TIGD3: variants seen among roughly 807,000 people sequenced by gnomAD.
The protein encoded by TIGD3 is tigger transposable element derived 3, also known as tigger transposable element-derived protein 3.
Under a neutral mutation model 14.8 loss-of-function variants are expected in TIGD3, and 7 were observed. The observed-to-expected ratio is 0.47, with a 90% confidence interval of 0.27 to 0.89. TIGD3 has a LOEUF of 0.89. Ranked by LOEUF, TIGD3 falls within the 40% of genes least tolerant of loss-of-function variation. TIGD3 has a pLI of 0.13. For synonymous variants in TIGD3, 243 were observed against 269.4 expected (o/e 0.90, Z 0.96); for missense variants, 581 against 611.0 (o/e 0.95, Z 0.52).
chr11:65,357,162 C>T lies in TIGD3; in HGVS notation c.1354C>T (p.Pro452Ser). 1 of 1,614,204 alleles carries T rather than the reference C, an allele frequency of 6.2e-7. No homozygotes were observed. Among genetic ancestry groups the T allele is most frequent in the African/African-American group, 1.3e-5 (1 of 75,068 alleles). ...GTGGTTTGAATGCAACAGCACTTCT[C>T]CTGAGCTATTCGAAAAATTCTACGA... is the stretch of plus-strand genomic sequence containing the variant. ...RRWFECNSTS[P>S]ELFEKFYDCE... Residue 452 changes from proline to serine, a missense_variant, in exon 2 of 2, where the codon CCT becomes TCT. Physicochemically the swap from Pro to Ser is moderately conservative, Grantham distance 74. Transcript: ENST00000309880.
rs1854874735 is a variant in TIGD3, at chr11:65,357,430, G to T, written c.*206G>T. On this transcript the variant is annotated 3_prime_UTR_variant, in exon 2 of 2. Transcript: ENST00000309880. ...AGAGAGCTCTAAAGATGGGGCTTCGGGGGTAGGAATCCAGGATGCTTAGTT... is the reference window on the plus strand; with the variant it reads ...AGAGAGCTCTAAAGATGGGGCTTCGTGGGTAGGAATCCAGGATGCTTAGTT... 1 of 574,612 alleles carries T rather than the reference G, an allele frequency of 1.7e-6. No individual in the cohort carries two copies. Among genetic ancestry groups the T allele is most frequent in the South Asian group, 2.1e-5 (1 of 46,886 alleles). The allele number at this position is 574,612 out of a possible 1,614,324, so 35.6% of individuals were successfully genotyped here. A position where few individuals can be genotyped will look rare whatever the true frequency, so the allele number is the denominator to read the frequency against.
At position 65,355,981 on chromosome 11, in the gene TIGD3, A is replaced by G. The variant is rs1590614299; in HGVS notation, c.173A>G (p.Asp58Gly). ...AAGAATAAGGAGAAGCTGCTGGCGG[A>G]CTGGTGCAGCGGCACAGCCAACCGA... Reference protein sequence around the residue: ...ICKNKEKLLADWCSGTANRER... With the variant: ...ICKNKEKLLAGWCSGTANRER... The change falls in exon 2 of 2, where the codon GAC becomes GGC. Residue 58 changes from aspartate (D) to glycine (G), a missense_variant. Transcript: ENST00000309880. 2.5e-6 allele frequency: 4 copies of G among 1,613,840 alleles called. No individual in the cohort carries two copies. The highest frequency in any genetic ancestry group is 3.4e-6 in the Non-Finnish European group (4 of 1,180,046).
At position 65,357,155 on chromosome 11, in the gene TIGD3, C is replaced by G. The variant is rs776910175; in HGVS notation, c.1347C>G (p.Ser449Arg). The G allele has an allele frequency of 6.2e-7, 1 of 1,614,210 alleles. No homozygotes were observed. The highest frequency in any genetic ancestry group is 1.1e-5 in the South Asian group (1 of 91,086). ...TGAGGAGGTGGTTTGAATGCAACAG[C>G]ACTTCTCCTGAGCTATTCGAAAAAT... ...GTLRRWFECNSTSPELFEKFY... is the reference protein window; with the variant it reads ...GTLRRWFECNRTSPELFEKFY... The change falls in exon 2 of 2, where the codon AGC (serine) becomes AGG (arginine). Residue 449 changes from serine to arginine, a missense_variant. Ser to Arg is a moderately radical substitution (Grantham distance 110). Transcript: ENST00000309880.
chr11:65,355,409 C>T (rs2137724354), intron 1 of TIGD3, among the ~76,000 whole-genome samples: 1 of 149,820 alleles, frequency 6.7e-6, no homozygotes, highest in South Asian at 2.1e-4. Context: ...CCCACTCCCT[C>T]CCGGGGGCTC....
In TIGD3 at chr11:65,357,112, T is replaced by C; in HGVS notation, c.1304T>C (p.Leu435Pro). Reference sequence around the variant, plus strand: ...CCCCTGCCCACCAAAGCTGATGCCCTCCGGGCCCTGGGCACCTTGAGGAGG... The same window carrying C: ...CCCCTGCCCACCAAAGCTGATGCCCCCCGGGCCCTGGGCACCTTGAGGAGG... ...FEPLPTKADA[L>P]RALGTLRRWF... The change falls in exon 2 of 2, where the codon CTC (leucine) becomes CCC (proline). Residue 435 changes from leucine to proline, a missense_variant. By Grantham distance (98) the Leu-to-Pro change is moderately conservative. Coordinates refer to ENST00000309880, the MANE Select transcript of TIGD3 (RefSeq NM_145719.3). The C allele has an allele frequency of 6.2e-7, 1 of 1,614,060 alleles. No individual in the cohort carries two copies. The highest frequency in any genetic ancestry group is 1.1e-5 in the South Asian group (1 of 91,070).
chr11:65,357,017 A>G lies in TIGD3; in HGVS notation c.1209A>G (p.Pro403=). 1 of 1,614,102 alleles carries G rather than the reference A, an allele frequency of 6.2e-7. No individual in the cohort carries two copies. The highest frequency in any genetic ancestry group is 2.2e-5 in the East Asian group (1 of 44,878). Residue 403 remains proline, a synonymous_variant, in exon 2 of 2, where the codon CCA becomes CCG. Coordinates refer to ENST00000309880, the MANE Select transcript of TIGD3 (RefSeq NM_145719.3). ...SRFVDLEGEE[P]RSGVCKEEIG... is the part of the protein sequence containing the mutation. ...TTGTGGACCTGGAGGGTGAGGAGCC[A>G]AGGTCTGGAGTATGTAAGGAGGAGA...
At position 65,356,805 on chromosome 11, in the gene TIGD3, G is replaced by T. The variant is rs1334157197; in HGVS notation, c.997G>T (p.Ala333Ser). The T allele has an allele frequency of 1.9e-6, 3 of 1,612,908 alleles. No individual in the cohort carries two copies. The highest frequency in any genetic ancestry group is 2.5e-6 in the Non-Finnish European group (3 of 1,179,864). Residue 333 changes from alanine to serine, a missense_variant, in exon 2 of 2, where the codon GCA (alanine) becomes TCA (serine). Physicochemically the swap from Ala to Ser is moderately conservative, Grantham distance 99. Transcript: ENST00000309880. The surrounding 1 kb of genome is among the most constrained non-coding windows in gnomAD (Gnocchi z 5.2). The part of the protein sequence containing the change: ...RDGTSLAEAG[A>S]GITVLDALHV... ...TGGCACCTCGCTGGCCGAGGCCGGG[G>T]CAGGCATCACCGTGCTGGACGCCCT...
Position 65,356,488 on chromosome 11 carries a change from G to A in TIGD3, c.680G>A (p.Arg227His), listed in dbSNP as rs754384255. Reference sequence around the variant, plus strand: ...GCCCCGAGATGCTTCTTTGGGATCCGCAGTGAGGCTCTGCCTGCCTCCTAC... The same window carrying A: ...GCCCCGAGATGCTTCTTTGGGATCCACAGTGAGGCTCTGCCTGCCTCCTAC... ...QAAPRCFFGI[R>H]SEALPASYHP... The change falls in exon 2 of 2, where the codon CGC becomes CAC. Residue 227 changes from arginine (R) to histidine (H), a missense_variant. Arg to His is a conservative substitution (Grantham distance 29). Transcript: ENST00000309880. This position sits in a 1 kb window ranked among gnomAD's most constrained non-coding sequence, Gnocchi z 5.2. 6 of 1,606,810 alleles carry A rather than the reference G, an allele frequency of 3.7e-6. No individual in the cohort carries two copies. The South Asian group carries it at 6.6e-5, about 18-fold the overall frequency.
rs770038923 is a variant in TIGD3, at chr11:65,356,913, A to G, written c.1105A>G (p.Lys369Glu). 1.9e-6 allele frequency: 3 copies of G among 1,614,040 alleles called. No individual in the cohort carries two copies. The highest frequency in any genetic ancestry group is 1.1e-5 in the South Asian group (1 of 91,088). Residue 369 changes from lysine (K) to glutamate (E), a missense_variant, in exon 2 of 2, where the codon AAA (lysine) becomes GAA (glutamate). Coordinates refer to ENST00000309880, the MANE Select transcript of TIGD3 (RefSeq NM_145719.3). The surrounding 1 kb of genome is among the most constrained non-coding windows in gnomAD (Gnocchi z 5.2). The part of the protein sequence containing the change: ...SFIQEGLAPG[K>E]TPPSSHKTSE... ...CATTCAAGAAGGGCTGGCTCCCGGC[A>G]AAACGCCCCCGTCCTCGCACAAAAC...
chr11:65,356,355 C>T lies in TIGD3; in HGVS notation c.547C>T (p.Arg183Trp). 6.2e-7 allele frequency: 1 copy of T among 1,611,838 alleles called. No individual in the cohort carries two copies. Among genetic ancestry groups the T allele is most frequent in the Non-Finnish European group, 8.5e-7 (1 of 1,180,030 alleles). The change falls in exon 2 of 2, where the codon CGG becomes TGG. Residue 183 changes from arginine to tryptophan, a missense_variant. Transcript: ENST00000309880. The surrounding 1 kb of genome is among the most constrained non-coding windows in gnomAD (Gnocchi z 5.2). ...FGCAELPLLY[R>W]AVPGSFGACD... Reference sequence around the variant, plus strand: ...CTGTGCTGAATTGCCCTTGCTGTATCGGGCAGTGCCCGGCAGCTTTGGTGC... The same window carrying T: ...CTGTGCTGAATTGCCCTTGCTGTATTGGGCAGTGCCCGGCAGCTTTGGTGC...
At chr11:65,355,676 C>G in intron 1 of TIGD3, 117 bp from the exon 2 acceptor site, 1 of 862,846 alleles carries the variant, frequency 1.2e-6, no homozygotes, top group Non-Finnish European at 1.7e-6. Context: ...TCAGCGGGTC[C>G]AGTCTCACCC....
chr11:65,357,173 C>T lies in TIGD3; in HGVS notation c.1365C>T (p.Phe455=), dbSNP rs756375682. 6.4e-5 allele frequency: 103 copies of T among 1,614,046 alleles called. No individual in the cohort carries two copies. Among genetic ancestry groups the T allele is most frequent in the Non-Finnish European group, 8.6e-5 (101 of 1,180,040 alleles). Residue 455 remains phenylalanine (F), a synonymous_variant, in exon 2 of 2, where the codon TTC becomes TTT. Transcript: ENST00000309880. ...GCAACAGCACTTCTCCTGAGCTATT[C>T]GAAAAATTCTACGACTGTGAGGAGG... ...FECNSTSPEL[F]EKFYDCEEEV...
chr11:65,356,263 C>T lies in TIGD3; in HGVS notation c.455C>T (p.Pro152Leu), dbSNP rs139835463. The change falls in exon 2 of 2, where the codon CCG becomes CTG. Residue 152 changes from proline to leucine, a missense_variant. Transcript: ENST00000309880. This position sits in a 1 kb window ranked among gnomAD's most constrained non-coding sequence, Gnocchi z 5.2. The stretch of plus-strand genomic sequence containing the variant: ...TCATTCCCCCCTGAGCCACCTCCCC[C>T]GGGGCTCACATCCCAGGCTCAGCTG... Reference protein sequence around the residue: ...APSFPPEPPPPGLTSQAQLPL... With the variant: ...APSFPPEPPPLGLTSQAQLPL... 9.1e-5 allele frequency: 147 copies of T among 1,613,062 alleles called. No homozygotes were observed. In the African/African-American group the frequency reaches 1.6e-3, roughly 17 times the overall value.
At position 65,354,784 on chromosome 11, in the gene TIGD3, C is replaced by A. The variant is rs1590942891; in HGVS notation, c.-190C>A. 1 of 151,176 alleles carries A rather than the reference C, an allele frequency of 6.6e-6. No homozygotes were observed. The allele number at this position is 151,176 out of a possible 1,614,324, so 9.4% of individuals were successfully genotyped here. A position where few individuals can be genotyped will look rare whatever the true frequency, so the allele number is the denominator to read the frequency against. On this transcript the variant is annotated 5_prime_UTR_variant, in exon 1 of 2. Transcript: ENST00000309880. ...GAGAGAGCCCGGCGCGGGCGGCGCG[C>A]ACGGGACTCTGCTGTGCGCGCGCCC...
rs982405240 is a variant in TIGD3, at chr11:65,356,611, G to A, written c.803G>A (p.Arg268Gln). The A allele has an allele frequency of 4.3e-6, 7 of 1,611,630 alleles. No homozygotes were observed. The highest frequency in any genetic ancestry group is 1.3e-5 in the African/African-American group (1 of 75,068). Residue 268 changes from arginine to glutamine, a missense_variant, in exon 2 of 2, where the codon CGA becomes CAA. Arg to Gln is a conservative substitution (Grantham distance 43). Coordinates refer to ENST00000309880, the MANE Select transcript of TIGD3 (RefSeq NM_145719.3). The surrounding 1 kb of genome is among the most constrained non-coding windows in gnomAD (Gnocchi z 5.2). ...CAGGTGGCTTTGCTGCTGGCTGCCCGAGTGGTGGAGGAGCTGGCAGGCCTG... is the reference window on the plus strand; with the variant it reads ...CAGGTGGCTTTGCTGCTGGCTGCCCAAGTGGTGGAGGAGCTGGCAGGCCTG... ...GRQVALLLAA[R>Q]VVEELAGLPG...
In TIGD3 at chr11:65,356,133, C is replaced by A. The variant is rs750351981; in HGVS notation, c.325C>A (p.Leu109Met). ...CATGCTGCTCCACAAAGCCAAGGAG[C>A]TGGCCGATATCATGGGCCAGGACTT... Reference protein sequence around the residue: ...GPMLLHKAKELADIMGQDFVP... With the variant: ...GPMLLHKAKEMADIMGQDFVP... Residue 109 changes from leucine (L) to methionine (M), a missense_variant, in exon 2 of 2, where the codon CTG becomes ATG. Coordinates refer to ENST00000309880, the MANE Select transcript of TIGD3 (RefSeq NM_145719.3). This position sits in a 1 kb window ranked among gnomAD's most constrained non-coding sequence, Gnocchi z 5.2. 6.2e-7 allele frequency: 1 copy of A among 1,611,760 alleles called. No homozygotes were observed. Among genetic ancestry groups the A allele is most frequent in the Non-Finnish European group, 8.5e-7 (1 of 1,180,030 alleles).
Position 65,356,436 on chromosome 11 carries a change from C to T in TIGD3, c.628C>T (p.Arg210Trp). ...CAACAGCAGGGGCACCGAGAAGCGG[C>T]GGGTACTGCTGGGTGGGCTCCAGGC... is the stretch of plus-strand genomic sequence containing the variant. ...CANSRGTEKR[R>W]VLLGGLQAAP... Residue 210 changes from arginine to tryptophan, a missense_variant, in exon 2 of 2, where the codon CGG becomes TGG. By Grantham distance (101) the Arg-to-Trp change is moderately radical (BLOSUM62 -3). Coordinates refer to ENST00000309880, the MANE Select transcript of TIGD3 (RefSeq NM_145719.3). The surrounding 1 kb of genome is among the most constrained non-coding windows in gnomAD (Gnocchi z 5.2). 1 of 1,609,218 alleles carries T rather than the reference C, an allele frequency of 6.2e-7. No homozygotes were observed.
chr11:65,355,861 T>A lies in TIGD3; in HGVS notation c.53T>A (p.Ile18Asn). Residue 18 changes from isoleucine to asparagine, a missense_variant, in exon 2 of 2, where the codon ATC (isoleucine) becomes AAC (asparagine). Transcript: ENST00000309880. ...KLHALSLAEK[I>N]QVLELLDESK... is the part of the protein sequence containing the mutation. The stretch of plus-strand genomic sequence containing the variant: ...CACGCCCTGTCCCTGGCCGAGAAGA[T>A]CCAGGTGCTGGAACTCCTGGATGAG... The A allele has an allele frequency of 6.2e-7, 1 of 1,613,684 alleles. No homozygotes were observed. Among genetic ancestry groups the A allele is most frequent in the South Asian group, 1.1e-5 (1 of 91,070 alleles).
chr11:65,356,126 C>T lies in TIGD3; in HGVS notation c.318C>T (p.Ala106=). Residue 106 remains alanine (A), a synonymous_variant, in exon 2 of 2, where the codon GCC becomes GCT. Coordinates refer to ENST00000309880, the MANE Select transcript of TIGD3 (RefSeq NM_145719.3). The surrounding 1 kb of genome is among the most constrained non-coding windows in gnomAD (Gnocchi z 5.2). Reference sequence around the variant, plus strand: ...CGGGGCCCATGCTGCTCCACAAAGCCAAGGAGCTGGCCGATATCATGGGCC... The same window carrying T: ...CGGGGCCCATGCTGCTCCACAAAGCTAAGGAGCTGGCCGATATCATGGGCC... ...DVTGPMLLHK[A]KELADIMGQD... The T allele has an allele frequency of 6.2e-7, 1 of 1,611,742 alleles. No homozygotes were observed. Among genetic ancestry groups the T allele is most frequent in the Non-Finnish European group, 8.5e-7 (1 of 1,180,024 alleles).
Sources: allele counts gnomAD v4.1 joint callset (sites outside exome capture counted in the v4.1 genomes callset), GRCh38; gene constraint gnomAD v4.1.1; non-coding constraint Gnocchi (gnomAD v3.1); transcripts MANE v1.5; gene names NCBI Gene and HGNC (gene_info 2026-07-23, HGNC 2026-07-21).